IKZF3: variants seen among roughly 807,000 people sequenced by gnomAD.
The protein encoded by IKZF3 is zinc finger protein Aiolos.
A neutral mutation model predicts 49.0 loss-of-function variants in IKZF3; 10 were observed. That is an observed-to-expected ratio of 0.20 (90% CI 0.13 to 0.35). The LOEUF is 0.35. Among genes scored for constraint, IKZF3 ranks in the 10% least tolerant of loss-of-function variants. IKZF3 has a pLI of 1.00. For synonymous variants in IKZF3, 209 were observed against 228.2 expected, an observed-to-expected ratio of 0.92 and a Z score of 0.76; for missense variants, 498 against 664.8, an observed-to-expected ratio of 0.75 and a Z score of 2.76.
At chr17:39,815,693 T>C (rs2061663990) in intron 3 of IKZF3, among the ~76,000 whole-genome samples, 1 of 152,184 alleles carries the variant, frequency 6.6e-6, no homozygotes, top group South Asian at 2.1e-4. Context: ...GACTTGGGGA[T>C]CTCTGGGTTA....
intron 1 of IKZF3, among the ~76,000 whole-genome samples, chr17:39,847,285 T>C (rs1281993760): frequency 6.6e-6 from 1 of 152,132 alleles, no homozygotes; most frequent in Non-Finnish European, 1.5e-5. Flanking sequence ...AAATGATCCC[T>C]ATAACCGATG....
At position 39,758,737 on chromosome 17, in the gene IKZF3, C is replaced by T. The variant is rs777807376; in HGVS notation, c.*7053G>A. On this transcript the variant is annotated 3_prime_UTR_variant, in exon 8 of 8. Coordinates refer to ENST00000346872, the MANE Select transcript of IKZF3 (RefSeq NM_012481.5). ...GTGTCTATAGCACGTGGTTAGCTCA[C>T]GCTGGTTCCAAGGGTCAGCAGATCC... 2 of 151,310 alleles carry T rather than the reference C, an allele frequency of 1.3e-5. No individual in the cohort carries two copies. Among genetic ancestry groups the T allele is most frequent in the Non-Finnish European group, 2.9e-5 (2 of 67,894 alleles). 9.4% of individuals were successfully genotyped at this position (151,310 alleles called of 1,614,324 possible).
intron 3 of IKZF3, among the ~76,000 whole-genome samples, chr17:39,805,188 G>A (rs1287422503): frequency 6.6e-6 from 1 of 152,148 alleles, no homozygotes; most frequent in Non-Finnish European, 1.5e-5. Context: ...ACAGAGCTCA[G>A]TGACTACTTA....
At chr17:39,787,442 G>T (rs758189616) in intron 6 of IKZF3, among the ~76,000 whole-genome samples, 4 of 152,118 alleles carry the variant, frequency 2.6e-5, no homozygotes, top group Non-Finnish European at 4.4e-5. Context: ...ATATAAATTG[G>T]GCCCTGTGCA....
intron 7 of IKZF3, among the ~76,000 whole-genome samples, chr17:39,776,130 A>T (rs1320529243): frequency 6.6e-6 from 1 of 152,096 alleles, no homozygotes; most frequent in Non-Finnish European, 1.5e-5. Context: ...GCGTGCCCAT[A>T]GTTCCAGCTA....
At chr17:39,827,427 G>A (rs2061986759) in intron 3 of IKZF3, among the ~76,000 whole-genome samples, 1 of 152,030 alleles carries the variant, frequency 6.6e-6, no homozygotes, top group Admixed American at 6.6e-5. Context: ...CTGAGTAGCT[G>A]GGACTACAGG....
At chr17:39,851,478 C>A (rs1360212972) in intron 1 of IKZF3, among the ~76,000 whole-genome samples, 1 of 152,110 alleles carries the variant, frequency 6.6e-6, no homozygotes, top group South Asian at 2.1e-4. Flanking sequence ...ACTATTCGAT[C>A]ATAAAACAGA....
At chr17:39,809,195 T>G (rs187104275) in intron 3 of IKZF3, among the ~76,000 whole-genome samples, 1 of 152,290 alleles carries the variant, frequency 6.6e-6, no homozygotes, top group Non-Finnish European at 1.5e-5. Context: ...ACAAATTATT[T>G]TTAGTTATTA....
intron 7 of IKZF3, among the ~76,000 whole-genome samples, chr17:39,776,485 G>A (rs1049719685): frequency 5.9e-5 from 9 of 152,194 alleles, no homozygotes; most frequent in Non-Finnish European, 8.8e-5. Flanking sequence ...ACAGCAAGGA[G>A]GAGGGGATCT....
chr17:39,847,465 G>C (rs1005114343), intron 1 of IKZF3, among the ~76,000 whole-genome samples: 4 of 152,048 alleles, frequency 2.6e-5, no homozygotes, highest in Non-Finnish European at 5.9e-5. Context: ...AAAAACTCTA[G>C]TAGTTAAAAG....
intron 3 of IKZF3, among the ~76,000 whole-genome samples, chr17:39,802,845 T>C (rs1473606662): frequency 1.4e-5 from 2 of 145,290 alleles, no homozygotes; most frequent in East Asian, 2.0e-4. Flanking sequence ...AAAAAAAGAA[T>C]CTAAACTGGC....
chr17:39,845,061 G>A (rs754888473), intron 1 of IKZF3, among the ~76,000 whole-genome samples: 3 of 152,118 alleles, frequency 2.0e-5, no homozygotes, highest in Non-Finnish European at 4.4e-5. Flanking sequence ...TATCTCTATT[G>A]TTGATCCCTA....
At chr17:39,824,964 G>C (rs979815949) in intron 3 of IKZF3, among the ~76,000 whole-genome samples, 5 of 152,072 alleles carry the variant, frequency 3.3e-5, no homozygotes, top group Non-Finnish European at 5.9e-5. Flanking sequence ...CAAAGAGCTG[G>C]GATTACGGGT....
intron 1 of IKZF3, among the ~76,000 whole-genome samples, chr17:39,857,553 C>T (rs1238566309): frequency 6.6e-6 from 1 of 152,106 alleles, no homozygotes; most frequent in African/African-American, 2.4e-5. Context: ...TTGTGGGGGG[C>T]ATGGATTAGA....
chr17:39,827,686 T>C (rs2061995227), intron 3 of IKZF3, among the ~76,000 whole-genome samples: 1 of 152,182 alleles, frequency 6.6e-6, no homozygotes, highest in Non-Finnish European at 1.5e-5. Context: ...AAATGGTCAG[T>C]ACCACGAAAG....
intron 3 of IKZF3, among the ~76,000 whole-genome samples, chr17:39,804,057 T>C (rs1250700790): frequency 2.6e-5 from 4 of 152,170 alleles, no homozygotes; most frequent in African/African-American, 4.8e-5. Flanking sequence ...TTATCTCCCA[T>C]ATAGACTAGG....
At chr17:39,771,821 C>A (rs1002836061) in intron 7 of IKZF3, among the ~76,000 whole-genome samples, 15 of 152,238 alleles carry the variant, frequency 9.9e-5, no homozygotes, top group African/African-American at 3.6e-4. Context: ...CTCACTGCAG[C>A]CTCAACCTCC....
chr17:39,814,219 T>A (rs1207635359), intron 3 of IKZF3, among the ~76,000 whole-genome samples: 2 of 151,970 alleles, frequency 1.3e-5, no homozygotes, highest in Non-Finnish European at 2.9e-5. Context: ...ATCTTTGATC[T>A]AAGCATCTAC....
intron 3 of IKZF3, among the ~76,000 whole-genome samples, chr17:39,826,775 G>A (rs1421402946): frequency 6.6e-6 from 1 of 152,162 alleles, no homozygotes; most frequent in African/African-American, 2.4e-5. Flanking sequence ...ACAGGATGGG[G>A]GATGCTACAG....
Sources: gnomAD v4.1 joint callset for allele counts (sites outside exome capture counted in the v4.1 genomes callset) on GRCh38, gnomAD v4.1.1 for gene constraint, MANE v1.5 for transcripts, NCBI Gene and HGNC (gene_info 2026-07-23, HGNC 2026-07-21) for gene names.